The following DPH6 variants were observed in gnomAD, a reference collection of about 807,000 sequenced individuals.
The protein encoded by DPH6 is diphthine--ammonia ligase.
In DPH6, 33 loss-of-function variants were observed where a neutral mutation model predicts 38.2. The ratio of observed to expected loss-of-function variants is 0.86; its 90% CI spans 0.65 to 1.15. The LOEUF (loss-of-function observed/expected upper bound fraction) is 1.15. Among genes scored for constraint, DPH6 ranks in the 50% most tolerant of loss-of-function variants. DPH6 has a pLI of 0.00. For missense variants in DPH6, 325 were observed against 320.0 expected, an observed-to-expected ratio of 1.02 and a Z score of -0.12; for synonymous variants, 108 against 103.0, an observed-to-expected ratio of 1.05 and a Z score of -0.30.
At chr15:35,525,930 T>C (rs1438654208) in intron 3 of DPH6, among the ~76,000 whole-genome samples, 1 of 152,216 alleles carries the variant, frequency 6.6e-6, no homozygotes, top group East Asian at 1.9e-4. Flanking sequence ...CCTTCCAGAT[T>C]AATAAATCCT....
chr15:35,463,970 A>T (rs1243322002), intron 3 of DPH6, among the ~76,000 whole-genome samples: 3 of 152,150 alleles, frequency 2.0e-5, no homozygotes, highest in Non-Finnish European at 4.4e-5. Context: ...AAATCTAGTG[A>T]TAAGAAATGC....
chr15:35,359,012 G>C (rs1458627963), intron 3 of DPH6, among the ~76,000 whole-genome samples: 1 of 152,084 alleles, frequency 6.6e-6, no homozygotes, highest in Non-Finnish European at 1.5e-5. Context: ...GTGAGGGTGG[G>C]GCTAGGTGTG....
chr15:35,272,531 G>A (rs2051829122), intron 3 of DPH6, among the ~76,000 whole-genome samples: 1 of 152,102 alleles, frequency 6.6e-6, no homozygotes, highest in Admixed American at 6.5e-5. Context: ...TTTGGGTCAT[G>A]GGGGTGGATC....
chr15:35,166,285 T>C, the DPH6 span, among the ~76,000 whole-genome samples: 1 of 151,918 alleles, frequency 6.6e-6, no homozygotes, highest in African/African-American at 2.4e-5. Context: ...CCTCTGTTTA[T>C]AACACTTATT....
intron 6 of DPH6, chr15:35,401,016 G>T (rs1373731768): frequency 5.5e-6 from 5 of 911,044 alleles, no homozygotes; most frequent in Non-Finnish European, 9.0e-6. Context: ...ATTTGTTGCT[G>T]GCATTAAAGA....
At chr15:35,157,075 T>G in the DPH6 span, among the ~76,000 whole-genome samples, 1 of 152,206 alleles carries the variant, frequency 6.6e-6, no homozygotes, top group East Asian at 1.9e-4. Context: ...GTGGTTTCTA[T>G]AGCATGGGAT....
At chr15:35,173,512 A>G in the DPH6 span, among the ~76,000 whole-genome samples, 1 of 149,240 alleles carries the variant, frequency 6.7e-6, no homozygotes, top group East Asian at 2.0e-4. Context: ...TCCATCTGCC[A>G]CACTTCAGCT....
chr15:35,544,143 T>C (rs2055306590), intron 1 of DPH6, among the ~76,000 whole-genome samples: 1 of 152,198 alleles, frequency 6.6e-6, no homozygotes, highest in Admixed American at 6.5e-5. Context: ...ACAGCTCTAT[T>C]TTAGTTTCCA....
intron 3 of DPH6, among the ~76,000 whole-genome samples, chr15:35,468,157 C>G (rs560899995): frequency 4.6e-5 from 7 of 152,334 alleles, no homozygotes; most frequent in African/African-American, 1.4e-4. Flanking sequence ...TACCAAGAAA[C>G]TATCTGCAAA....
intron 5 of DPH6, among the ~76,000 whole-genome samples, chr15:35,414,586 A>G (rs543754835): frequency 5.9e-5 from 9 of 151,518 alleles, no homozygotes; most frequent in Non-Finnish European, 1.3e-4. Flanking sequence ...TCTGCCTTCT[A>G]TTTTTTCCTT....
intron 3 of DPH6, among the ~76,000 whole-genome samples, chr15:35,296,219 G>A (rs1384335014): frequency 6.6e-6 from 1 of 152,152 alleles, no homozygotes; most frequent in Non-Finnish European, 1.5e-5. Context: ...GATTACAGGT[G>A]TGAGCCACCA....
chr15:35,216,329 T>C (rs2051410782), downstream of DPH6, among the ~76,000 whole-genome samples: 1 of 152,234 alleles, frequency 6.6e-6, no homozygotes, highest in African/African-American at 2.4e-5. Context: ...ACAAAGCAGA[T>C]GTTTTGATAG....
At chr15:35,429,947 G>A (rs1566906643) in intron 5 of DPH6, among the ~76,000 whole-genome samples, 1 of 152,048 alleles carries the variant, frequency 6.6e-6, no homozygotes, top group Non-Finnish European at 1.5e-5. Context: ...GAAGATTGTG[G>A]ATAGAAGACC....
chr15:35,449,448 C>G (rs1000666545), intron 5 of DPH6, among the ~76,000 whole-genome samples: 1 of 152,058 alleles, frequency 6.6e-6, no homozygotes, highest in Admixed American at 6.6e-5. Context: ...GGAGGTCTCT[C>G]TGGGTCCTAA....
intron 3 of DPH6, among the ~76,000 whole-genome samples, chr15:35,477,611 T>C (rs13379505): frequency 0.093 from 14,075 of 151,810 alleles, 895 homozygotes; most frequent in African/African-American, 0.18. Context: ...ATTTCATTCA[T>C]TTACAGATTT....
chr15:35,263,935 G>A lies in DPH6; in HGVS notation n.201-43353C>T, dbSNP rs367761312. Among the ~76,000 whole-genome samples, 5 of 151,890 alleles carry A rather than the reference G, an allele frequency of 3.3e-5. No individual in the cohort carries two copies. In the South Asian group the frequency reaches 6.2e-4, roughly 19 times the overall value. ...TCACCGTGTTAGCCAGGATGGTCTC[G>A]ATCTCCTGACCTCGTGATCTGCCCA... On this transcript the variant is annotated intron_variant and non_coding_transcript_variant, in intron 3 of 3. Coordinates refer to the DPH6 transcript ENST00000560386.
At chr15:35,355,626 T>G (rs933866574) in intron 3 of DPH6, among the ~76,000 whole-genome samples, 1 of 152,264 alleles carries the variant, frequency 6.6e-6, no homozygotes, top group Non-Finnish European at 1.5e-5. Context: ...CACTCTCTTC[T>G]GGCTTGTAGT....
At chr15:35,289,958 T>C (rs2051969186) in intron 3 of DPH6, among the ~76,000 whole-genome samples, 1 of 152,210 alleles carries the variant, frequency 6.6e-6, no homozygotes, top group Non-Finnish European at 1.5e-5. Flanking sequence ...GGAAACTATA[T>C]TGTAGGCTCT....
At chr15:35,546,096 A>G in intron 1 of DPH6, 23 bp downstream of exon 1, 2 of 1,384,402 alleles carry the variant, frequency 1.4e-6, no homozygotes, top group South Asian at 1.7e-5. Context: ...AGGAGGAAGG[A>G]GGCGGCTCCA....
Sources: allele counts gnomAD v4.1 joint callset (sites outside exome capture counted in the v4.1 genomes callset), GRCh38; gene constraint gnomAD v4.1.1; transcripts MANE v1.5; gene names NCBI Gene and HGNC (gene_info 2026-07-23, HGNC 2026-07-21).